RAPGEF6: variants seen among roughly 807,000 people sequenced by gnomAD.
RAPGEF6 encodes the protein Rap guanine nucleotide exchange factor 6, also known as PDZ domain containing guanine nucleotide exchange factor (GEF) 2.
In RAPGEF6, 56 loss-of-function variants were observed where a neutral mutation model predicts 171.4. That is an observed-to-expected ratio of 0.33 (90% CI 0.26 to 0.41). The LOEUF (loss-of-function observed/expected upper bound fraction) is 0.41. RAPGEF6 is among the 10% of genes least tolerant of loss of function. The probability of loss-of-function intolerance (pLI) is 1.00; values close to 1 mark genes in which losing one functional copy is unlikely to be tolerated. For synonymous variants in RAPGEF6, 692 were observed against 650.1 expected (o/e 1.06, Z -0.98); for missense variants, 1,674 against 1,921.4 (o/e 0.87, Z 2.41).
intron 7 of RAPGEF6, among the ~76,000 whole-genome samples, chr5:131,519,820 T>G (rs529169004): frequency 1.3e-5 from 2 of 152,210 alleles, no homozygotes; most frequent in South Asian, 2.1e-4. Context: ...CAGTCTACTT[T>G]GATTTTTAGG....
At chr5:131,456,934 C>T (rs1354649149) in intron 19 of RAPGEF6, among the ~76,000 whole-genome samples, 3 of 152,140 alleles carry the variant, frequency 2.0e-5, no homozygotes, top group East Asian at 1.9e-4. Flanking sequence ...AAAAAATAGT[C>T]GAGGTCAAAC....
chr5:131,556,020 A>G (rs914219637), intron 5 of RAPGEF6, among the ~76,000 whole-genome samples: 1 of 152,180 alleles, frequency 6.6e-6, no homozygotes, highest in African/African-American at 2.4e-5. Context: ...ACACAATGTT[A>G]AGTATCTGTG....
chr5:131,572,223 C>A (rs918939305), intron 4 of RAPGEF6, among the ~76,000 whole-genome samples: 1 of 152,106 alleles, frequency 6.6e-6, no homozygotes, highest in Non-Finnish European at 1.5e-5. Context: ...CCTGTCCTCA[C>A]GCTCCCTCCG....
intron 4 of RAPGEF6, among the ~76,000 whole-genome samples, chr5:131,575,102 T>C (rs186498648): frequency 6.6e-6 from 1 of 152,288 alleles, no homozygotes; most frequent in East Asian, 1.9e-4. Context: ...CAACTCATTA[T>C]TCTGTCCTCG....
intron 1 of RAPGEF6, among the ~76,000 whole-genome samples, chr5:131,618,959 T>C (rs1049732702): frequency 1.9e-4 from 28 of 149,098 alleles, no homozygotes; most frequent in Admixed American, 6.8e-4. Context: ...AATCTAATCA[T>C]GAGAAAACAA....
At chr5:131,501,575 A>G (rs1333032343) in intron 11 of RAPGEF6, among the ~76,000 whole-genome samples, 1 of 152,064 alleles carries the variant, frequency 6.6e-6, no homozygotes, top group Non-Finnish European at 1.5e-5. Context: ...ACTTAAAAAA[A>G]TCAACACAGT....
chr5:131,597,078 T>A (rs1403825007), intron 3 of RAPGEF6, among the ~76,000 whole-genome samples: 2 of 152,046 alleles, frequency 1.3e-5, no homozygotes, highest in African/African-American at 4.8e-5. Context: ...CAACAGACAT[T>A]TCTGAAAAGA....
At chr5:131,555,103 A>G (rs1269524071) in intron 5 of RAPGEF6, among the ~76,000 whole-genome samples, 1 of 152,230 alleles carries the variant, frequency 6.6e-6, no homozygotes, top group Non-Finnish European at 1.5e-5. Flanking sequence ...CCAAGTATTA[A>G]GGTTCACAGA....
chr5:131,568,870 TA>T (rs1435897392), intron 4 of RAPGEF6, among the ~76,000 whole-genome samples: 1 of 152,092 alleles, frequency 6.6e-6, no homozygotes, highest in Non-Finnish European at 1.5e-5. Flanking sequence ...CTAGATCTAA[TA>T]AAAGATTATA....
chr5:131,519,960 C>T (rs1407427863), intron 7 of RAPGEF6, among the ~76,000 whole-genome samples: 1 of 152,140 alleles, frequency 6.6e-6, no homozygotes, highest in Non-Finnish European at 1.5e-5. Flanking sequence ...TCTTTTAATT[C>T]TTTGTTCTCT....
At chr5:131,495,398 G>C (rs1168878611) in intron 13 of RAPGEF6, among the ~76,000 whole-genome samples, 155 bp downstream of exon 13, 1 of 152,054 alleles carries the variant, frequency 6.6e-6, no homozygotes, top group African/African-American at 2.4e-5. Flanking sequence ...AGGTGGCAGA[G>C]AATAAATGAA....
intron 10 of RAPGEF6, 34 bp from the exon 11 acceptor site, chr5:131,504,812 C>A (rs771380814): frequency 5.1e-6 from 8 of 1,577,420 alleles, no homozygotes; most frequent in Middle Eastern, 1.7e-4. Context: ...AGTTAATGAA[C>A]CTATAGTACA....
intron 6 of RAPGEF6, among the ~76,000 whole-genome samples, chr5:131,534,622 GTTTAA>G (rs1759638226): frequency 8.6e-6 from 1 of 116,522 alleles, no homozygotes; most frequent in East Asian, 2.3e-4. Flanking sequence ...TTTTTTTTCA[GTTTAA>G]TTTAAATCAA....
At chr5:131,491,016 G>A (rs140690733) in intron 14 of RAPGEF6, among the ~76,000 whole-genome samples, 2 of 152,292 alleles carry the variant, frequency 1.3e-5, no homozygotes, top group East Asian at 1.9e-4. Context: ...GAAGGAAGAA[G>A]TAAAAGCATG....
Position 131,548,089 on chromosome 5 carries a change from G to A in RAPGEF6, c.453C>T (p.Arg151=). Residue 151 remains arginine (R), a synonymous_variant, in exon 6 of 28, where the codon CGC becomes CGT. Coordinates refer to ENST00000509018, the MANE Select transcript of RAPGEF6 (RefSeq NM_016340.6). ...RFRKINYKGE[R]QTITDDVEVN... ...CCTCCACATCATCAGTAATGGTTTG[G>A]CGCTCTCCTTTATAGTTAATTTTCC... 1 of 1,613,828 alleles carries A rather than the reference G, an allele frequency of 6.2e-7. No individual in the cohort carries two copies. Among genetic ancestry groups the A allele is most frequent in the East Asian group, 2.2e-5 (1 of 44,838 alleles).
At chr5:131,435,197 A>G (rs1011792323) in intron 24 of RAPGEF6, among the ~76,000 whole-genome samples, 1 of 152,230 alleles carries the variant, frequency 6.6e-6, no homozygotes, top group Non-Finnish European at 1.5e-5. Context: ...AAAAAGGCCT[A>G]GAAAATGTGT....
At chr5:131,619,698 A>G (rs1765492261) in intron 1 of RAPGEF6, among the ~76,000 whole-genome samples, 1 of 152,184 alleles carries the variant, frequency 6.6e-6, no homozygotes, top group Non-Finnish European at 1.5e-5. Context: ...TGTACTTTTC[A>G]ATCCTTATCT....
At chr5:131,446,266 T>C (rs1752682014) in intron 22 of RAPGEF6, among the ~76,000 whole-genome samples, 1 of 151,466 alleles carries the variant, frequency 6.6e-6, no homozygotes, top group Non-Finnish European at 1.5e-5. Flanking sequence ...AAAAGCTTTT[T>C]AAAGATCTAC....
chr5:131,563,319 T>A (rs1761724081), intron 4 of RAPGEF6, among the ~76,000 whole-genome samples: 1 of 152,032 alleles, frequency 6.6e-6, no homozygotes, highest in Non-Finnish European at 1.5e-5. Flanking sequence ...ATAAAGAAAA[T>A]TATACAACTT....
Sources: gnomAD v4.1 joint callset for allele counts (sites outside exome capture counted in the v4.1 genomes callset) on GRCh38, gnomAD v4.1.1 for gene constraint, MANE v1.5 for transcripts, NCBI Gene and HGNC (gene_info 2026-07-23, HGNC 2026-07-21) for gene names.